The following DNAH14 variants were observed in gnomAD, a reference collection of about 807,000 sequenced individuals.
The protein encoded by DNAH14 is axonemal beta dynein heavy chain 14.
DNAH14 carries 478 observed loss-of-function variants against 520.9 expected under a neutral mutation model. The observed-to-expected ratio is 0.92, with a 90% confidence interval of 0.85 to 0.99. The LOEUF (loss-of-function observed/expected upper bound fraction) is 0.99. Among genes scored for constraint, DNAH14 ranks in the 50% least tolerant of loss-of-function variants. DNAH14 has a pLI of 0.00. For synonymous variants in DNAH14, 1,581 were observed against 1,757.2 expected, an observed-to-expected ratio of 0.90 and a Z score of 2.51; for missense variants, 4,831 against 5,234.5, an observed-to-expected ratio of 0.92 and a Z score of 2.38.
intron 73 of DNAH14, 178 bp downstream of exon 73, chr1:225,354,066 A>T: frequency 1.5e-6 from 1 of 686,990 alleles, no homozygotes; most frequent in Non-Finnish European, 2.7e-6. Context: ...TCATGTGGAG[A>T]GTCCAATGTG....
intron 78 of DNAH14, among the ~76,000 whole-genome samples, chr1:225,375,455 G>A (rs1329194782): frequency 9.9e-5 from 15 of 152,180 alleles, no homozygotes; most frequent in Admixed American, 9.8e-4. Context: ...TGGGAATTTG[G>A]ATAAGAGAGG....
intron 28 of DNAH14, among the ~76,000 whole-genome samples, chr1:225,142,204 G>A (rs1453953643): frequency 6.6e-6 from 1 of 152,118 alleles, no homozygotes; most frequent in Non-Finnish European, 1.5e-5. Flanking sequence ...GAATGAAAAA[G>A]AGGAAGAGCA....
chr1:225,003,358 T>C (rs1268908680), intron 9 of DNAH14, among the ~76,000 whole-genome samples: 1 of 152,058 alleles, frequency 6.6e-6, no homozygotes. Context: ...ACTTAATTTA[T>C]ATAAGATAGC....
At chr1:225,217,267 T>C (rs1489418220) in intron 41 of DNAH14, among the ~76,000 whole-genome samples, 5 of 152,144 alleles carry the variant, frequency 3.3e-5, no homozygotes, top group African/African-American at 4.8e-5. Context: ...TTCTGGCAGC[T>C]TCATCTCAGA....
chr1:224,967,172 G>A (rs2061227153), intron 5 of DNAH14, among the ~76,000 whole-genome samples: 1 of 151,944 alleles, frequency 6.6e-6, no homozygotes, highest in Non-Finnish European at 1.5e-5. Flanking sequence ...GTATTATTAA[G>A]TATATAGATA....
intron 38 of DNAH14, among the ~76,000 whole-genome samples, chr1:225,202,221 G>A (rs781138768): frequency 2.0e-4 from 31 of 152,140 alleles, no homozygotes; most frequent in Middle Eastern, 3.2e-3. Flanking sequence ...GTAGTATGGG[G>A]AGGAACAGGC....
At chr1:225,049,121 A>G (rs3003126) in intron 15 of DNAH14, among the ~76,000 whole-genome samples, 122,305 of 140,894 alleles carry the variant, frequency 0.87, 55,640 homozygotes, top group Non-Finnish European at 1. Context: ...GTGCAGTGGC[A>G]CTATCTCGGC....
intron 70 of DNAH14, 24 bp downstream of exon 70, chr1:225,346,404 T>A: frequency 6.5e-7 from 1 of 1,526,850 alleles, no homozygotes; most frequent in Non-Finnish European, 8.8e-7. Flanking sequence ...TAGTGTGAAT[T>A]TTACATGCTT....
At chr1:225,090,182 T>C (rs1316642381) in intron 21 of DNAH14, among the ~76,000 whole-genome samples, 1 of 151,998 alleles carries the variant, frequency 6.6e-6, no homozygotes, top group Non-Finnish European at 1.5e-5. Context: ...ATAAGATATA[T>C]AAACCTGAGA....
intron 69 of DNAH14, among the ~76,000 whole-genome samples, chr1:225,342,391 T>C (rs2095205536): frequency 1.3e-5 from 2 of 152,052 alleles, no homozygotes; most frequent in South Asian, 4.1e-4. Context: ...AATCAGAAAG[T>C]GGAAGGAAAC....
Position 225,324,272 on chromosome 1 carries a change from C to G in DNAH14, c.9546C>G (p.His3182Gln), listed in dbSNP as rs1344133282. The G allele has an allele frequency of 6.4e-7, 1 of 1,551,756 alleles. No individual in the cohort carries two copies. The highest frequency in any genetic ancestry group is 8.7e-7 in the Non-Finnish European group (1 of 1,146,998). Residue 3182 changes from histidine to glutamine, a missense_variant, in exon 63 of 86, where the codon CAC becomes CAG. Transcript: ENST00000682510. ...KIVTLPDFNP[H>Q]KISLVSVACC... ...TAACCTTACCTGATTTCAACCCACACAAGATTTCGCTGGTTTCTGTTGCTT... is the reference window on the plus strand; with the variant it reads ...TAACCTTACCTGATTTCAACCCACAGAAGATTTCGCTGGTTTCTGTTGCTT...
chr1:225,092,310 A>C (rs755900780), intron 21 of DNAH14, among the ~76,000 whole-genome samples: 1 of 151,984 alleles, frequency 6.6e-6, no homozygotes, highest in Non-Finnish European at 1.5e-5. Context: ...CAAATTTAAA[A>C]TAGTTAAATC....
chr1:224,995,213 G>A (rs1264479218), intron 8 of DNAH14, among the ~76,000 whole-genome samples: 1 of 152,038 alleles, frequency 6.6e-6, no homozygotes. Flanking sequence ...TACAATTCCT[G>A]TAAAGCAGGC....
intron 73 of DNAH14, 81 bp downstream of exon 73, chr1:225,353,969 AT>A: frequency 1.2e-6 from 1 of 824,470 alleles, no homozygotes; most frequent in Non-Finnish European, 1.9e-6. Flanking sequence ...CAAAATTAAA[AT>A]TTTACAAGCA....
intron 73 of DNAH14, among the ~76,000 whole-genome samples, chr1:225,356,224 A>T: frequency 6.6e-6 from 1 of 152,148 alleles, no homozygotes; most frequent in South Asian, 2.1e-4. Context: ...CCAAGATTTG[A>T]AAATTGAGAG....
chr1:225,060,065 T>C (rs1194151768), intron 17 of DNAH14, among the ~76,000 whole-genome samples: 1 of 152,112 alleles, frequency 6.6e-6, no homozygotes, highest in Non-Finnish European at 1.5e-5. Context: ...TGAAGTTGAA[T>C]GTTGGCCTGC....
intron 1 of DNAH14, among the ~76,000 whole-genome samples, chr1:224,952,242 T>C (rs1320734815): frequency 6.6e-6 from 1 of 152,204 alleles, no homozygotes; most frequent in Non-Finnish European, 1.5e-5. Context: ...ACGCTAGTAG[T>C]ATATGGATGT....
rs534710784 is a variant in DNAH14, at chr1:225,333,306, ACAAT to A, written c.9888_9891del (p.Asn3296LysfsTer2). The A allele has an allele frequency of 8.2e-4, 1,279 of 1,551,174 alleles. No homozygotes were observed. Among genetic ancestry groups the A allele is most frequent in the Non-Finnish European group, 1.0e-3 (1,144 of 1,146,560 alleles). On this transcript the variant is annotated frameshift_variant, in exon 66 of 86. Transcript: ENST00000682510. LOFTEE classifies it high-confidence loss of function. The stretch of plus-strand genomic sequence containing the variant: ...TAACATTTAGACTCGATGGCAAGAA[ACAAT>A]CAATCAAATAGATAACAAATTAGAA...
chr1:225,215,755 T>C (rs1325150596), intron 41 of DNAH14, among the ~76,000 whole-genome samples: 3 of 152,196 alleles, frequency 2.0e-5, no homozygotes, highest in Non-Finnish European at 2.9e-5. Context: ...TTGGTAGATC[T>C]TTCTCCATCC....
Sources: gnomAD v4.1 joint callset for allele counts (sites outside exome capture counted in the v4.1 genomes callset) on GRCh38, gnomAD v4.1.1 for gene constraint, MANE v1.5 for transcripts, NCBI Gene and HGNC (gene_info 2026-07-23, HGNC 2026-07-21) for gene names.